KCNIP1: variants seen among roughly 807,000 people sequenced by gnomAD.
The protein encoded by KCNIP1 is A-type potassium channel modulatory protein KCNIP1.
A neutral mutation model predicts 33.0 loss-of-function variants in KCNIP1; 18 were observed. The ratio of observed to expected loss-of-function variants is 0.55; its 90% CI spans 0.38 to 0.81. The LOEUF is 0.81. KCNIP1 is among the 30% of genes least tolerant of loss of function. The pLI is 0.00. For synonymous variants in KCNIP1, 93 were observed against 98.3 expected (o/e 0.95, Z 0.32); for missense variants, 238 against 271.6 (o/e 0.88, Z 0.87).
At chr5:170,386,942 C>T (rs894816416) in intron 1 of KCNIP1, among the ~76,000 whole-genome samples, 24 of 152,050 alleles carry the variant, frequency 1.6e-4, no homozygotes, top group African/African-American at 5.3e-4. Flanking sequence ...GGCTCCTGAT[C>T]GCTCCCCCAG....
intron 1 of KCNIP1, among the ~76,000 whole-genome samples, chr5:170,595,887 C>G (rs141687393): frequency 1.1e-4 from 16 of 152,282 alleles, no homozygotes; most frequent in African/African-American, 3.6e-4. Context: ...ATATGTTTGA[C>G]ATGCAAGACG....
At chr5:170,499,426 C>A (rs1322319797), upstream of KCNIP1, among the ~76,000 whole-genome samples, 3 of 152,232 alleles carry the variant, frequency 2.0e-5, no homozygotes, top group Non-Finnish European at 4.4e-5. Context: ...TGTCACCAAT[C>A]CCTCACAGCA....
At chr5:170,401,366 T>G (rs1279600915) in intron 1 of KCNIP1, among the ~76,000 whole-genome samples, 5 of 152,238 alleles carry the variant, frequency 3.3e-5, no homozygotes, top group Non-Finnish European at 7.3e-5. Context: ...TATTATGAAC[T>G]TCACTAGAAT....
intron 1 of KCNIP1, among the ~76,000 whole-genome samples, chr5:170,597,977 T>C (rs1397293688): frequency 6.6e-6 from 1 of 152,058 alleles, no homozygotes; most frequent in Non-Finnish European, 1.5e-5. Context: ...GGCCCCAGCA[T>C]CCACAGGAAA....
At chr5:170,614,282 C>T (rs1759286382) in intron 1 of KCNIP1, among the ~76,000 whole-genome samples, 1 of 152,212 alleles carries the variant, frequency 6.6e-6, no homozygotes, top group Non-Finnish European at 1.5e-5. Flanking sequence ...ACAGTCAGCC[C>T]ATTCGGCAGG....
intron 1 of KCNIP1, among the ~76,000 whole-genome samples, chr5:170,587,459 G>A (rs113156968): frequency 0.075 from 10,450 of 139,428 alleles, 471 homozygotes; most frequent in South Asian, 0.11. Context: ...TAATATAAAT[G>A]TATTATCTTG....
intron 1 of KCNIP1, among the ~76,000 whole-genome samples, chr5:170,511,254 T>C (rs1754922026): frequency 6.6e-6 from 1 of 152,228 alleles, no homozygotes; most frequent in Non-Finnish European, 1.5e-5. Flanking sequence ...AGTGTCTCCC[T>C]ATAGGGCCAC....
intron 1 of KCNIP1, among the ~76,000 whole-genome samples, chr5:170,424,042 C>A (rs575350091): frequency 5.3e-5 from 8 of 152,230 alleles, no homozygotes; most frequent in Non-Finnish European, 1.0e-4. Flanking sequence ...GTAACAGCTG[C>A]TTATGTAACC....
At chr5:170,532,592 T>C (rs1755824178) in intron 1 of KCNIP1, among the ~76,000 whole-genome samples, 1 of 152,214 alleles carries the variant, frequency 6.6e-6, no homozygotes, top group Admixed American at 6.5e-5. Flanking sequence ...TTGGTCTTTC[T>C]AGGATGGGGT....
At chr5:170,581,009 A>T (rs1757773875) in intron 1 of KCNIP1, among the ~76,000 whole-genome samples, 1 of 152,198 alleles carries the variant, frequency 6.6e-6, no homozygotes. Flanking sequence ...TCTGACCCCA[A>T]GTATAAGAGA....
At chr5:170,484,479 G>T (rs1317822257) in intron 1 of KCNIP1, among the ~76,000 whole-genome samples, 2 of 152,112 alleles carry the variant, frequency 1.3e-5, no homozygotes, top group African/African-American at 4.8e-5. Context: ...GAAAGAGCCT[G>T]GTGGCTGCCG....
chr5:170,702,028 C>T (rs144630401), intron 1 of KCNIP1, among the ~76,000 whole-genome samples: 100 of 152,286 alleles, frequency 6.6e-4, no homozygotes, highest in African/African-American at 2.3e-3. Context: ...TGTAACCAAA[C>T]ACCAGCGGTT....
chr5:170,587,296 C>CTAT (rs1758027389), intron 1 of KCNIP1, among the ~76,000 whole-genome samples: 3 of 9,930 alleles, frequency 3.0e-4, no homozygotes, highest in Admixed American at 2.4e-3. Flanking sequence ...CTGCAGGCAC[C>CTAT]TATAGTCCTA....
intron 1 of KCNIP1, among the ~76,000 whole-genome samples, chr5:170,449,113 T>C (rs1756186581): frequency 6.6e-6 from 1 of 152,208 alleles, no homozygotes; most frequent in South Asian, 2.1e-4. Context: ...ATCTGCACAA[T>C]ATCCTATTGC....
chr5:170,726,377 G>C (rs930973060), intron 5 of KCNIP1, among the ~76,000 whole-genome samples: 1 of 152,114 alleles, frequency 6.6e-6, no homozygotes, highest in South Asian at 2.1e-4. Context: ...ACCCATGAAA[G>C]GTTGCTCTAT....
chr5:170,517,649 C>T (rs936296680), intron 1 of KCNIP1, among the ~76,000 whole-genome samples: 7 of 147,160 alleles, frequency 4.8e-5, no homozygotes, highest in Admixed American at 1.4e-4. Context: ...AGTATGACAG[C>T]GATGGTGGTA....
intron 1 of KCNIP1, among the ~76,000 whole-genome samples, chr5:170,630,222 T>C (rs1207292387): frequency 3.9e-5 from 6 of 152,346 alleles, no homozygotes; most frequent in African/African-American, 1.4e-4. Flanking sequence ...GGACCTGATA[T>C]GTTATAAAAC....
chr5:170,728,554 A>C (rs1350223891), intron 5 of KCNIP1, among the ~76,000 whole-genome samples: 1 of 152,228 alleles, frequency 6.6e-6, no homozygotes, highest in Admixed American at 6.5e-5. Context: ...GACTAGCTAG[A>C]AAATTGTAAT....
At chr5:170,650,679 C>T (rs1561742208) in intron 1 of KCNIP1, among the ~76,000 whole-genome samples, 1 of 152,160 alleles carries the variant, frequency 6.6e-6, no homozygotes, top group South Asian at 2.1e-4. Flanking sequence ...TGGGCAAATA[C>T]CTAGGGGTGG....
Sources: allele counts gnomAD v4.1 joint callset (sites outside exome capture counted in the v4.1 genomes callset), GRCh38; gene constraint gnomAD v4.1.1; transcripts MANE v1.5; gene names NCBI Gene and HGNC (gene_info 2026-07-23, HGNC 2026-07-21).